The following JARID2 variants were observed in gnomAD, a reference collection of about 807,000 sequenced individuals.
JARID2 encodes jumonji and AT-rich interaction domain containing 2.
In JARID2, 21 loss-of-function variants were observed where a neutral mutation model predicts 125.6. The ratio of observed to expected loss-of-function variants is 0.17; its 90% CI spans 0.12 to 0.24. JARID2 has a LOEUF of 0.24. JARID2 is among the 10% of genes least tolerant of loss of function. The pLI is 1.00. For synonymous variants in JARID2, 736 were observed against 661.6 expected (o/e 1.11, Z -1.73); for missense variants, 1,303 against 1,639.6 (o/e 0.79, Z 3.55).
intron 3 of JARID2, among the ~76,000 whole-genome samples, chr6:15,433,365 G>A (rs982012638): frequency 6.6e-6 from 1 of 151,052 alleles, no homozygotes; most frequent in African/African-American, 2.4e-5. Flanking sequence ...ATTATTTATA[G>A]TCTAGTTGTT....
At chr6:15,350,734 T>C (rs1476540248) in intron 1 of JARID2, among the ~76,000 whole-genome samples, 1 of 150,826 alleles carries the variant, frequency 6.6e-6, no homozygotes, top group African/African-American at 2.5e-5. Flanking sequence ...TTTAAGGTTT[T>C]TTTTTTTTTT....
intron 2 of JARID2, among the ~76,000 whole-genome samples, chr6:15,409,858 T>C (rs1395164837): frequency 6.6e-6 from 1 of 152,194 alleles, no homozygotes; most frequent in African/African-American, 2.4e-5. Flanking sequence ...AGAGTCAATA[T>C]TTACCTCTTC....
intron 1 of JARID2, among the ~76,000 whole-genome samples, chr6:15,348,252 C>T (rs557042625): frequency 5.3e-5 from 8 of 151,920 alleles, no homozygotes; most frequent in East Asian, 1.9e-4. Flanking sequence ...CCACCACACC[C>T]GGCTAATTTT....
chr6:15,290,420 A>G (rs1761161492), intron 1 of JARID2, among the ~76,000 whole-genome samples: 1 of 152,170 alleles, frequency 6.6e-6, no homozygotes, highest in East Asian at 1.9e-4. Context: ...TTGCTGGGCC[A>G]TAAAGTAGTC....
At chr6:15,393,720 G>A (rs1765112048) in intron 2 of JARID2, among the ~76,000 whole-genome samples, 1 of 152,296 alleles carries the variant, frequency 6.6e-6, no homozygotes, top group East Asian at 1.9e-4. Context: ...ATTGTTAACA[G>A]TGATTACTGG....
At chr6:15,375,534 A>G (rs1257630638) in intron 2 of JARID2, among the ~76,000 whole-genome samples, 1 of 152,236 alleles carries the variant, frequency 6.6e-6, no homozygotes, top group Non-Finnish European at 1.5e-5. Flanking sequence ...AATCCAATTT[A>G]GACCCTCATA....
intron 3 of JARID2, among the ~76,000 whole-genome samples, chr6:15,413,019 T>G (rs978172823): frequency 0.012 from 1,019 of 88,098 alleles, 44 homozygotes; most frequent in African/African-American, 0.043. Flanking sequence ...TTTTTTTTTT[T>G]TTTGTTTTTT....
intron 2 of JARID2, among the ~76,000 whole-genome samples, chr6:15,406,525 T>C (rs1448440802): frequency 6.6e-6 from 1 of 152,174 alleles, no homozygotes; most frequent in African/African-American, 2.4e-5. Flanking sequence ...GGAACATGAA[T>C]GTGATTCTCT....
At chr6:15,311,173 T>A (rs916131048) in intron 1 of JARID2, among the ~76,000 whole-genome samples, 1 of 152,206 alleles carries the variant, frequency 6.6e-6, no homozygotes, top group African/African-American at 2.4e-5. Flanking sequence ...AGGATTCATA[T>A]CACCCTTGCT....
At chr6:15,318,445 C>T (rs1245507461) in intron 1 of JARID2, among the ~76,000 whole-genome samples, 1 of 152,188 alleles carries the variant, frequency 6.6e-6, no homozygotes, top group Non-Finnish European at 1.5e-5. Flanking sequence ...TTTCCATGTC[C>T]AGCAAGAACT....
intron 1 of JARID2, among the ~76,000 whole-genome samples, chr6:15,306,288 C>T (rs1761819720): frequency 6.6e-6 from 1 of 151,742 alleles, no homozygotes; most frequent in African/African-American, 2.4e-5. Context: ...CTGCAGTGAG[C>T]CAGCCAGCCT....
At chr6:15,419,401 T>A (rs1395409604) in intron 3 of JARID2, among the ~76,000 whole-genome samples, 2 of 152,296 alleles carry the variant, frequency 1.3e-5, no homozygotes, top group South Asian at 4.1e-4. Flanking sequence ...AAAGTAAATA[T>A]GGGTAAATCT....
intron 8 of JARID2, 25 bp from the exon 9 acceptor site, chr6:15,504,474 CT>C: frequency 6.4e-7 from 1 of 1,559,428 alleles, no homozygotes; most frequent in Admixed American, 1.7e-5. Context: ...GCTTCTGAAG[CT>C]TTACTGTTTT....
chr6:15,509,084 C>T (rs1561914965), intron 12 of JARID2: 4 of 1,289,314 alleles, frequency 3.1e-6, no homozygotes, highest in Admixed American at 2.3e-5. Context: ...AGTCTGTTGC[C>T]TGGCGAGGTG....
chr6:15,386,215 AG>A (rs961820412), intron 2 of JARID2, among the ~76,000 whole-genome samples: 2 of 152,016 alleles, frequency 1.3e-5, no homozygotes, highest in African/African-American at 2.4e-5. Context: ...TTCTGACTCC[AG>A]ATAGCTATCT....
chr6:15,260,175 T>G (rs1326300005), intron 1 of JARID2, among the ~76,000 whole-genome samples: 1 of 152,176 alleles, frequency 6.6e-6, no homozygotes, highest in Non-Finnish European at 1.5e-5. Context: ...CAATGCAGTT[T>G]ATCACTTTTT....
At chr6:15,358,283 C>T (rs940813308) in intron 1 of JARID2, among the ~76,000 whole-genome samples, 3 of 152,188 alleles carry the variant, frequency 2.0e-5, no homozygotes, top group African/African-American at 7.2e-5. Flanking sequence ...ACTTTCTCAT[C>T]TTCATATATT....
chr6:15,446,134 C>T (rs764286756), intron 3 of JARID2, among the ~76,000 whole-genome samples: 1 of 152,210 alleles, frequency 6.6e-6, no homozygotes, highest in Admixed American at 6.5e-5. Flanking sequence ...TTCTGTGATT[C>T]CTAAATCATG....
At chr6:15,333,980 C>T (rs969604592) in intron 1 of JARID2, among the ~76,000 whole-genome samples, 1 of 152,050 alleles carries the variant, frequency 6.6e-6, no homozygotes, top group African/African-American at 2.4e-5. Flanking sequence ...GATGAACACA[C>T]AAAATATATT....
Sources: allele counts gnomAD v4.1 joint callset (sites outside exome capture counted in the v4.1 genomes callset), GRCh38; gene constraint gnomAD v4.1.1; transcripts MANE v1.5; gene names NCBI Gene and HGNC (gene_info 2026-07-23, HGNC 2026-07-21).